Variants in LONRF3 observed in about 807,000 individuals in gnomAD.
The protein encoded by LONRF3 is LON peptidase N-terminal domain and ring finger 3.
Under a neutral mutation model 51.7 loss-of-function variants are expected in LONRF3, and 19 were observed. The ratio of observed to expected loss-of-function variants is 0.37; its 90% confidence interval spans 0.26 to 0.54. LONRF3 has a LOEUF of 0.54. LONRF3 is among the 20% of genes least tolerant of loss of function. LONRF3 has a pLI of 0.86. For missense variants in LONRF3, 521 were observed against 623.9 expected (o/e 0.84, Z 1.76); for synonymous variants, 265 against 257.8 (o/e 1.03, Z -0.27).
At chrX:119,002,449 G>C (rs1477446827) in intron 5 of LONRF3, among the ~76,000 whole-genome samples, 1 of 111,938 alleles carries the variant, frequency 8.9e-6, no homozygotes. Context: ...TTGCATATAG[G>C]TAAAGTTTGT....
chrX:119,006,137 G>A lies in LONRF3; in HGVS notation c.1432G>A (p.Val478Ile). ...ALCMRLFYEP[V>I]TTPCGHTFCL... ...AAATTTCAGATTATTCTATGAGCCA[G>A]TCACAACACCTTGCGGGCATACTTT... The change falls in exon 6 of 11, where the codon GTC (valine) becomes ATC (isoleucine). Residue 478 changes from valine to isoleucine, a missense_variant. Transcript: ENST00000371628. 8.5e-7 allele frequency: 1 copy of A among 1,183,350 alleles called. No homozygotes were observed. The highest frequency in any genetic ancestry group is 1.9e-5 in the South Asian group (1 of 53,654).
chrX:119,010,352 G>C (rs1603256069), intron 7 of LONRF3, among the ~76,000 whole-genome samples: 1 of 111,527 alleles, frequency 9.0e-6, no homozygotes, highest in Non-Finnish European at 1.9e-5. Flanking sequence ...GCATTCCAGA[G>C]GCAAGGTTCC....
chrX:118,984,916 T>C (rs1359490865), intron 3 of LONRF3, among the ~76,000 whole-genome samples: 3 of 112,275 alleles, frequency 2.7e-5, no homozygotes, highest in African/African-American at 9.7e-5. Flanking sequence ...TAAGCTGCCT[T>C]CGAACTCACA....
At chrX:118,993,064 T>A (rs1215754211) in intron 5 of LONRF3, among the ~76,000 whole-genome samples, 2 of 110,656 alleles carry the variant, frequency 1.8e-5, no homozygotes, top group African/African-American at 6.6e-5. Context: ...CCTACCCAAA[T>A]GAGAAGGAAC....
At chrX:118,980,807 T>A (rs1922494491) in intron 2 of LONRF3, among the ~76,000 whole-genome samples, 1 of 111,213 alleles carries the variant, frequency 9.0e-6, no homozygotes, top group Non-Finnish European at 1.9e-5. Flanking sequence ...AACTTGATAG[T>A]GTGGTGAGAA....
Position 119,013,127 on chromosome X carries a change from C to T in LONRF3, c.1900C>T (p.Arg634Cys). 8.3e-7 allele frequency: 1 copy of T among 1,212,116 alleles called. No homozygotes were observed. Among genetic ancestry groups the T allele is most frequent in the Non-Finnish European group, 1.1e-6 (1 of 895,548 alleles). Reference sequence around the variant, plus strand: ...AGTGGTTGACAGCATAGGCAAGAGGCGCTTCAGGGTGCTCCATCAGAGCCA... The same window carrying T: ...AGTGGTTGACAGCATAGGCAAGAGGTGCTTCAGGGTGCTCCATCAGAGCCA... ...RSVVDSIGKRRFRVLHQSQRD... is the reference protein window; with the variant it reads ...RSVVDSIGKRCFRVLHQSQRD... Residue 634 changes from arginine (R) to cysteine (C), a missense_variant, in exon 9 of 11, where the codon CGC (arginine) becomes TGC (cysteine). Physicochemically the swap from Arg to Cys is radical, Grantham distance 180 (BLOSUM62 -3). Around this residue, in one of 2 missense-constraint regions of LONRF3, gnomAD observed 145 missense variants for 247.2 expected, o/e 0.59. Coordinates refer to ENST00000371628, the MANE Select transcript of LONRF3 (RefSeq NM_001031855.3).
At chrX:118,995,338 G>A (rs927609646) in intron 5 of LONRF3, among the ~76,000 whole-genome samples, 2 of 111,782 alleles carry the variant, frequency 1.8e-5, no homozygotes, top group Non-Finnish European at 1.9e-5. Context: ...ATACAGCAAA[G>A]GCAGTGCTAA....
At chrX:118,986,387 G>A (rs1192177824) in intron 3 of LONRF3, among the ~76,000 whole-genome samples, 1 of 111,710 alleles carries the variant, frequency 9.0e-6, no homozygotes, top group African/African-American at 3.3e-5. Flanking sequence ...TAAAGATCCA[G>A]GGGTGATGGT....
At chrX:118,983,737 G>A (rs529549087) in intron 3 of LONRF3, among the ~76,000 whole-genome samples, 60 of 111,961 alleles carry the variant, frequency 5.4e-4, no homozygotes, top group African/African-American at 1.8e-3. Flanking sequence ...ACTATTCACC[G>A]CGGAGCCTTA....
At chrX:118,999,331 C>A (rs762933282) in intron 5 of LONRF3, among the ~76,000 whole-genome samples, 1 of 111,621 alleles carries the variant, frequency 9.0e-6, no homozygotes, top group Admixed American at 9.5e-5. Flanking sequence ...ACTTCCCTCA[C>A]CCCCTCATGA....
intron 3 of LONRF3, among the ~76,000 whole-genome samples, chrX:118,984,152 T>G (rs754082178): frequency 8.9e-6 from 1 of 112,647 alleles, no homozygotes; most frequent in African/African-American, 3.2e-5. Flanking sequence ...TGGTTAGTTA[T>G]CCTCAGGTTA....
chrX:119,004,239 T>C (rs759581226), intron 5 of LONRF3, among the ~76,000 whole-genome samples: 4 of 112,216 alleles, frequency 3.6e-5, no homozygotes, highest in Middle Eastern at 4.6e-3. Flanking sequence ...ATTAATTTGT[T>C]AAACAAATTA....
At chrX:118,993,899 C>A (rs972691993) in intron 5 of LONRF3, among the ~76,000 whole-genome samples, 19 of 111,979 alleles carry the variant, frequency 1.7e-4, no homozygotes, top group Non-Finnish European at 3.8e-5. Flanking sequence ...CAATTACCAG[C>A]CAAGAATTTT....
chrX:119,011,045 C>T (rs901471583), intron 7 of LONRF3, among the ~76,000 whole-genome samples: 1 of 105,656 alleles, frequency 9.5e-6, no homozygotes, highest in South Asian at 4.4e-4. Flanking sequence ...ACCCGGGAGG[C>T]GGAGGTTGCA....
chrX:118,998,328 T>C (rs1242101618), intron 5 of LONRF3, among the ~76,000 whole-genome samples: 3 of 112,312 alleles, frequency 2.7e-5, no homozygotes, highest in South Asian at 3.7e-4. Context: ...TGGATGAGAT[T>C]GGAGACTATT....
intron 3 of LONRF3, chrX:118,987,045 G>GAAGTTACC: frequency 8.7e-7 from 1 of 1,153,444 alleles, no homozygotes; most frequent in East Asian, 3.3e-5. Context: ...AATGACTACT[G>GAAGTTACC]AAGTTACCAG....
At chrX:118,988,197 A>G (rs1474740779) in intron 3 of LONRF3, among the ~76,000 whole-genome samples, 1 of 111,901 alleles carries the variant, frequency 8.9e-6, no homozygotes, top group Non-Finnish European at 1.9e-5. Context: ...CAGAACTTAG[A>G]GGATCTCCTG....
At position 119,011,808 on chromosome X, in the gene LONRF3, C is replaced by T; in HGVS notation, c.1653-7C>T. 2.5e-6 allele frequency: 3 copies of T among 1,208,936 alleles called. No individual in the cohort carries two copies. In the African/African-American group the frequency reaches 5.2e-5, roughly 21 times the overall value. On this transcript the variant is annotated splice_region_variant and splice_polypyrimidine_tract_variant and intron_variant, in intron 7 of 10. Transcript: ENST00000371628. Reference sequence around the variant, plus strand: ...TTGAGATCCCTGTCATTTTCTCTTTCTGACAGCCTTAATAAGAATGTGCCT... The same window carrying T: ...TTGAGATCCCTGTCATTTTCTCTTTTTGACAGCCTTAATAAGAATGTGCCT...
At chrX:119,003,861 A>G in intron 5 of LONRF3, among the ~76,000 whole-genome samples, 1 of 112,424 alleles carries the variant, frequency 8.9e-6, no homozygotes, top group Non-Finnish European at 1.9e-5. Flanking sequence ...GTCTCCTACA[A>G]CTGTTGTTAG....
Sources: gnomAD v4.1 joint callset for allele counts (sites outside exome capture counted in the v4.1 genomes callset) on GRCh38, gnomAD v4.1.1 for gene constraint, gnomAD v4.1.1 regional missense constraint, MANE v1.5 for transcripts, NCBI Gene and HGNC (gene_info 2026-07-23, HGNC 2026-07-21) for gene names.